Variants in PKHD1 observed in about 807,000 individuals in gnomAD.
PKHD1 encodes the protein fibrocystin.
In PKHD1, 291 loss-of-function variants were observed where a neutral mutation model predicts 412.0. That is an observed-to-expected ratio of 0.71 (90% CI 0.64 to 0.78). PKHD1 has a LOEUF of 0.78. PKHD1 is among the 30% of genes least tolerant of loss of function. The pLI, the probability that PKHD1 is intolerant of heterozygous loss-of-function variation, is 0.00. For missense variants in PKHD1, 4,825 were observed against 4,950.7 expected, an observed-to-expected ratio of 0.97 and a Z score of 0.76; for synonymous variants, 1,777 against 1,821.5, an observed-to-expected ratio of 0.98 and a Z score of 0.62.
intron 37 of PKHD1, among the ~76,000 whole-genome samples, chr6:51,926,446 C>G (rs1032132918): frequency 1.3e-5 from 2 of 151,846 alleles, no homozygotes; most frequent in South Asian, 4.2e-4. Flanking sequence ...TCACTTGAAA[C>G]CAAAAAAAGA....
intron 52 of PKHD1, among the ~76,000 whole-genome samples, chr6:51,823,512 A>T (rs1484237669): frequency 1.3e-5 from 2 of 152,170 alleles, no homozygotes; most frequent in Admixed American, 1.3e-4. Context: ...GCAAGCCATA[A>T]AGAGTGTCAA....
chr6:51,723,820 T>C (rs561128745), intron 60 of PKHD1, among the ~76,000 whole-genome samples: 166 of 152,244 alleles, frequency 1.1e-3, no homozygotes, highest in African/African-American at 3.8e-3. Flanking sequence ...TTTGGGTACA[T>C]AGAATGGTAC....
intron 60 of PKHD1, among the ~76,000 whole-genome samples, chr6:51,739,026 T>G (rs1387918173): frequency 6.7e-6 from 1 of 149,058 alleles, no homozygotes; most frequent in East Asian, 1.9e-4. Context: ...TGTGTGTATG[T>G]ACTTTATATA....
At position 51,883,098 on chromosome 6, in the gene PKHD1, G is replaced by A. The variant is rs2127541231; in HGVS notation, c.7345C>T (p.His2449Tyr). ...AACCACACTAAGGCACTTACCTTGTGGGCAAAATGACCAAGTAATAAGCTG... is the reference window on the plus strand; with the variant it reads ...AACCACACTAAGGCACTTACCTTGTAGGCAAAATGACCAAGTAATAAGCTG... The part of the protein sequence containing the change: ...TDSLLLGHFA[H>Y]KGSLCMSSGI... The change falls in exon 46 of 67, where the codon CAC becomes TAC. Residue 2449 changes from histidine to tyrosine, a missense_variant. Coordinates refer to ENST00000371117, the MANE Select transcript of PKHD1 (RefSeq NM_138694.4). 3.7e-6 allele frequency: 6 copies of A among 1,612,890 alleles called. No homozygotes were observed. The highest frequency in any genetic ancestry group is 5.1e-6 in the Non-Finnish European group (6 of 1,179,186).
intron 50 of PKHD1, among the ~76,000 whole-genome samples, chr6:51,840,553 C>T (rs1770000725): frequency 6.6e-6 from 1 of 152,126 alleles, no homozygotes; most frequent in South Asian, 2.1e-4. Context: ...GTTTTTCATA[C>T]TTCTGTGGAG....
At chr6:51,935,114 T>C (rs1250803765) in intron 36 of PKHD1, among the ~76,000 whole-genome samples, 1 of 152,162 alleles carries the variant, frequency 6.6e-6, no homozygotes, top group East Asian at 1.9e-4. Context: ...TTTTTCAGAC[T>C]GCTTTCCACT....
chr6:51,990,790 C>T (rs1478807975), intron 35 of PKHD1, among the ~76,000 whole-genome samples: 8 of 151,470 alleles, frequency 5.3e-5, no homozygotes, highest in African/African-American at 1.9e-4. Flanking sequence ...GTAACTTATT[C>T]AGCAGGCAGC....
chr6:51,904,591 T>C (rs955404575), intron 41 of PKHD1, among the ~76,000 whole-genome samples: 5 of 152,196 alleles, frequency 3.3e-5, no homozygotes, highest in African/African-American at 1.2e-4. Context: ...TCATGCCATT[T>C]CATGGGTCTG....
intron 60 of PKHD1, among the ~76,000 whole-genome samples, chr6:51,738,077 C>T (rs115879494): frequency 0.01 from 1,533 of 152,316 alleles, 25 homozygotes; most frequent in African/African-American, 0.035. Flanking sequence ...TGGTAAATTT[C>T]TGTGAATACC....
At chr6:51,830,122 T>C (rs1205345487) in intron 52 of PKHD1, among the ~76,000 whole-genome samples, 1 of 152,156 alleles carries the variant, frequency 6.6e-6, no homozygotes, top group African/African-American at 2.4e-5. Context: ...TCTTCTTTTA[T>C]TCACTATTAT....
At chr6:51,668,963 G>T (rs1774376186) in intron 60 of PKHD1, among the ~76,000 whole-genome samples, 1 of 152,206 alleles carries the variant, frequency 6.6e-6, no homozygotes, top group African/African-American at 2.4e-5. Context: ...TTTTATTGAG[G>T]ATTTTTGCAT....
At chr6:51,961,850 A>G (rs1389420956) in intron 35 of PKHD1, among the ~76,000 whole-genome samples, 1 of 152,122 alleles carries the variant, frequency 6.6e-6, no homozygotes, top group African/African-American at 2.4e-5. Flanking sequence ...ATCCTATCCC[A>G]TAATTTTACA....
chr6:51,791,486 C>T (rs1562319056), intron 52 of PKHD1, 113 bp from the exon 53 acceptor site: 2 of 900,174 alleles, frequency 2.2e-6, no homozygotes, highest in Non-Finnish European at 3.6e-6. Context: ...TAAACCAGGA[C>T]AGGTATAGCA....
Position 52,006,160 on chromosome 6 carries a change from G to A in PKHD1, c.5751+4149C>T, listed in dbSNP as rs150937896. On this transcript the variant is annotated intron_variant, in intron 35 of 66. Coordinates refer to ENST00000371117, the MANE Select transcript of PKHD1 (RefSeq NM_138694.4). ...CACTGCCTCACGCCCTCCCATCTAGGTCACTAAAAAATTATATATATATAT... is the reference window on the plus strand; with the variant it reads ...CACTGCCTCACGCCCTCCCATCTAGATCACTAAAAAATTATATATATATAT... 4.2e-3 allele frequency among the ~76,000 whole-genome samples: 640 copies of A among 151,082 alleles called. 1 individual carries two copies. Among genetic ancestry groups the A allele is most frequent in the Non-Finnish European group, 6.3e-3 (430 of 67,838 alleles).
intron 61 of PKHD1, among the ~76,000 whole-genome samples, chr6:51,650,577 G>A (rs138911268): frequency 6.6e-6 from 1 of 152,214 alleles, no homozygotes; most frequent in Non-Finnish European, 1.5e-5. Context: ...TAATATGGAG[G>A]GTGCATGTCA....
rs998956499 is a variant in PKHD1 at position 51,993,961 on chromosome 6, G to GA, written c.5751+16347dup. Among the ~76,000 whole-genome samples the GA allele has an allele frequency of 6.0e-5, 9 of 150,186 alleles. No individual in the cohort carries two copies. In the South Asian group the frequency reaches 8.4e-4, roughly 14 times the overall value. On this transcript the variant is annotated intron_variant, in intron 35 of 66. Coordinates refer to ENST00000371117, the MANE Select transcript of PKHD1 (RefSeq NM_138694.4). The stretch of plus-strand genomic sequence containing the variant: ...GAGAGCCAATAGGTGTTGTATGGAA[G>GA]AAAAAAAAATAAGATTTTTATGACC...
intron 35 of PKHD1, among the ~76,000 whole-genome samples, chr6:52,000,774 T>C (rs1031428787): frequency 6.6e-6 from 1 of 152,186 alleles, no homozygotes; most frequent in African/African-American, 2.4e-5. Context: ...ATAAGGACTT[T>C]TGGGAGCCAA....
chr6:51,921,370 CATTTCAACTTTGGTGAATCT>C (rs1393758992), intron 37 of PKHD1, among the ~76,000 whole-genome samples: 1 of 152,166 alleles, frequency 6.6e-6, no homozygotes, highest in African/African-American at 2.4e-5. Context: ...TTTTTTCCTT[CATTTCAACTTTGGTGAATCT>C]GACAATTATG....
intron 52 of PKHD1, among the ~76,000 whole-genome samples, chr6:51,810,160 T>G (rs1438131163): frequency 6.7e-6 from 1 of 148,768 alleles, no homozygotes; most frequent in Non-Finnish European, 1.5e-5. Flanking sequence ...AGATAGAAAT[T>G]TATCAAATGC....
Sources: allele counts gnomAD v4.1 joint callset (sites outside exome capture counted in the v4.1 genomes callset), GRCh38; gene constraint gnomAD v4.1.1; transcripts MANE v1.5; gene names NCBI Gene and HGNC (gene_info 2026-07-23, HGNC 2026-07-21).